OPRM1: variants seen among roughly 807,000 people sequenced by gnomAD.
The protein encoded by OPRM1 is mu-type opioid receptor.
A neutral mutation model predicts 31.8 loss-of-function variants in OPRM1; 27 were observed. The ratio of observed to expected loss-of-function variants is 0.85; its 90% CI spans 0.63 to 1.17. The LOEUF is 1.17. Ranked by LOEUF, OPRM1 falls within the 50% of genes most tolerant of loss-of-function variation. OPRM1 has a pLI of 0.00. For missense variants in OPRM1, 536 were observed against 511.1 expected, an observed-to-expected ratio of 1.05 and a Z score of -0.47; for synonymous variants, 196 against 189.9, an observed-to-expected ratio of 1.03 and a Z score of -0.26.
At chr6:154,145,853 A>T (rs149677606) in intron 3 of OPRM1, among the ~76,000 whole-genome samples, 1 of 152,262 alleles carries the variant, frequency 6.6e-6, no homozygotes. Context: ...CTTATTTTTG[A>T]CAAAGGTGTG....
chr6:154,098,872 G>C (rs1793856254), intron 3 of OPRM1, among the ~76,000 whole-genome samples: 1 of 152,122 alleles, frequency 6.6e-6, no homozygotes, highest in African/African-American at 2.4e-5. Context: ...TGGAAATCAA[G>C]AATCCAAAGC....
Position 154,090,011 on chromosome 6 carries a change from C to G in OPRM1, c.476C>G (p.Thr159Ser). Residue 159 changes from threonine (T) to serine (S), a missense_variant, in exon 2 of 4, where the codon ACC (threonine) becomes AGC (serine). Physicochemically the swap from Thr to Ser is moderately conservative, Grantham distance 58. Transcript: ENST00000330432. ...DYYNMFTSIF[T>S]LCTMSVDRYI... is the part of the protein sequence containing the mutation. ...TATAACATGTTCACCAGCATATTCA[C>G]CCTCTGCACCATGAGTGTTGATCGA... 1 of 1,614,156 alleles carries G rather than the reference C, an allele frequency of 6.2e-7. No homozygotes were observed. Among genetic ancestry groups the G allele is most frequent in the Non-Finnish European group, 8.5e-7 (1 of 1,179,996 alleles).
chr6:154,058,049 T>A (rs1339569246), intron 1 of OPRM1, among the ~76,000 whole-genome samples: 1 of 152,214 alleles, frequency 6.6e-6, no homozygotes, highest in Non-Finnish European at 1.5e-5. Flanking sequence ...TTTGGTATAT[T>A]TGTCAATGCC....
At chr6:154,102,344 C>G (rs1429028013) in intron 3 of OPRM1, among the ~76,000 whole-genome samples, 1 of 152,158 alleles carries the variant, frequency 6.6e-6, no homozygotes, top group South Asian at 2.1e-4. Flanking sequence ...GTAACTACCA[C>G]TTAGCTTTGA....
intron 3 of OPRM1, among the ~76,000 whole-genome samples, chr6:154,112,958 G>A (rs541387561): frequency 6.6e-6 from 1 of 152,324 alleles, no homozygotes; most frequent in East Asian, 1.9e-4. Context: ...ATAAGTCACA[G>A]AGAAGACTAA....
intron 1 of OPRM1, among the ~76,000 whole-genome samples, chr6:154,049,262 A>G (rs1454505049): frequency 6.6e-6 from 1 of 152,180 alleles, no homozygotes; most frequent in Non-Finnish European, 1.5e-5. Flanking sequence ...ACCATTTTAA[A>G]CAGTGAAGTC....
intron 3 of OPRM1, among the ~76,000 whole-genome samples, chr6:154,097,956 G>T (rs1793692757): frequency 6.6e-6 from 1 of 152,196 alleles, no homozygotes; most frequent in African/African-American, 2.4e-5. Context: ...AGGGTTGGGT[G>T]CAGTGGCTCA....
chr6:154,028,991 G>A (rs141469590), intron 1 of OPRM1, among the ~76,000 whole-genome samples: 80 of 152,266 alleles, frequency 5.3e-4, no homozygotes, highest in Non-Finnish European at 8.8e-4. Flanking sequence ...TGTTAAACTG[G>A]TGTTCTTATC....
In OPRM1 at chr6:154,128,440, C is replaced by T. The variant is rs1309111096; in HGVS notation, c.*9719C>T. Among the ~76,000 whole-genome samples, 1 of 152,190 alleles carries T rather than the reference C, an allele frequency of 6.6e-6. No individual in the cohort carries two copies. The highest frequency in any genetic ancestry group is 1.5e-5 in the Non-Finnish European group (1 of 68,040). The stretch of plus-strand genomic sequence containing the variant: ...GACCATTTATTTGAAGCAATGTTCA[C>T]CATAGCAAAATTCCAGTGAAGTCTA... On this transcript the variant is annotated 3_prime_UTR_variant, in exon 4 of 4. Coordinates refer to ENST00000330432, the MANE Select transcript of OPRM1 (RefSeq NM_000914.5).
At chr6:154,160,120 A>G in intron 3 of OPRM1, 1 of 1,056,166 alleles carries the variant, frequency 9.5e-7, no homozygotes, top group Admixed American at 2.4e-5. Context: ...CAACTCTTTT[A>G]CAAGTACACA....
At chr6:154,019,747 C>CTTTTTTT (rs373120574) in intron 1 of OPRM1, among the ~76,000 whole-genome samples, 25 of 121,992 alleles carry the variant, frequency 2.0e-4, no homozygotes, top group African/African-American at 7.8e-4. Flanking sequence ...CTTTTCTTTT[C>CTTTTTTT]TTTTTTTTTT....
chr6:154,224,898 G>C (rs1779137062), intron 3 of OPRM1, among the ~76,000 whole-genome samples: 1 of 152,090 alleles, frequency 6.6e-6, no homozygotes, highest in Non-Finnish European at 1.5e-5. Context: ...TTCTCGAAGA[G>C]AATATAAGGT....
intron 1 of OPRM1, among the ~76,000 whole-genome samples, chr6:154,014,886 C>T (rs1777920635): frequency 6.6e-6 from 1 of 152,056 alleles, no homozygotes; most frequent in African/African-American, 2.4e-5. Flanking sequence ...TATATGCACA[C>T]ATAACTAAAT....
intron 1 of OPRM1, among the ~76,000 whole-genome samples, chr6:154,081,333 C>T (rs1427036503): frequency 4.6e-5 from 7 of 152,164 alleles, no homozygotes; most frequent in Non-Finnish European, 1.0e-4. Context: ...GAAACCCCGT[C>T]TCTACTAAAA....
rs1797702510 is a variant in OPRM1 at position 154,128,286 on chromosome 6, G to A, written c.*9565G>A. Among the ~76,000 whole-genome samples, 1 of 152,086 alleles carries A rather than the reference G, an allele frequency of 6.6e-6. No individual in the cohort carries two copies. The highest frequency in any genetic ancestry group is 6.6e-5 in the Admixed American group (1 of 15,258). On this transcript the variant is annotated 3_prime_UTR_variant, in exon 4 of 4. Transcript: ENST00000330432. ...CCACTTATTAAAAGAATAAAATGAA[G>A]GTGGAGTTAATTCTGACTACGGGAT...
intron 3 of OPRM1, among the ~76,000 whole-genome samples, chr6:154,148,745 A>C (rs1289098677): frequency 6.6e-6 from 1 of 152,212 alleles, no homozygotes; most frequent in Non-Finnish European, 1.5e-5. Flanking sequence ...GATATGTTAC[A>C]TGAAGCTCTG....
chr6:154,136,892 T>C (rs977687640), downstream of OPRM1, among the ~76,000 whole-genome samples: 1 of 152,218 alleles, frequency 6.6e-6, no homozygotes, highest in Non-Finnish European at 1.5e-5. Context: ...CTGCTGCTAT[T>C]TGGGGATATA....
intron 1 of OPRM1, among the ~76,000 whole-genome samples, chr6:154,046,467 C>T (rs1039133656): frequency 1.3e-5 from 2 of 152,184 alleles, no homozygotes; most frequent in African/African-American, 4.8e-5. Context: ...ACAAAAAATC[C>T]TGCCACTCCC....
At chr6:154,136,956 G>A (rs1583646411), downstream of OPRM1, among the ~76,000 whole-genome samples, 1 of 152,154 alleles carries the variant, frequency 6.6e-6, no homozygotes, top group Non-Finnish European at 1.5e-5. Context: ...AACAAAAATT[G>A]TAATAATGAT....
Sources: allele counts gnomAD v4.1 joint callset (sites outside exome capture counted in the v4.1 genomes callset), GRCh38; gene constraint gnomAD v4.1.1; transcripts MANE v1.5; gene names NCBI Gene and HGNC (gene_info 2026-07-23, HGNC 2026-07-21).